Variants in BNIP3 observed in about 807,000 individuals in gnomAD.
BNIP3 encodes the protein BCL2 interacting protein 3, also known as BCL2/adenovirus E1B 19 kDa protein-interacting protein 3.
Under a neutral mutation model 23.9 loss-of-function variants are expected in BNIP3, and 16 were observed. The observed-to-expected ratio is 0.67, with a 90% confidence interval of 0.45 to 1.01. The LOEUF is 1.01. BNIP3 is among the 50% of genes least tolerant of loss of function. BNIP3 has a pLI of 0.00. For missense variants in BNIP3, 198 were observed against 248.7 expected, an observed-to-expected ratio of 0.80 and a Z score of 1.37; for synonymous variants, 81 against 89.3, an observed-to-expected ratio of 0.91 and a Z score of 0.53.
intron 3 of BNIP3, among the ~76,000 whole-genome samples, 160 bp downstream of exon 3, chr10:131,972,874 A>G (rs1293393988): frequency 6.6e-6 from 1 of 152,044 alleles, no homozygotes; most frequent in Non-Finnish European, 1.5e-5. Flanking sequence ...TCCCACCCAC[A>G]GTTTCTTGGT....
At chr10:131,973,425 C>T (rs575936376) in intron 2 of BNIP3, 32 of 466,130 alleles carry the variant, frequency 6.9e-5, no homozygotes, top group African/African-American at 5.0e-4. Context: ...GGCACGCGAC[C>T]TTTGACCACT....
chr10:131,973,572 C>G, intron 2 of BNIP3: 2 of 600,292 alleles, frequency 3.3e-6, no homozygotes, highest in Non-Finnish European at 5.7e-6. Flanking sequence ...CTACTGATGA[C>G]TTGAACATGG....
At chr10:131,974,128 A>G (rs1464280395) in intron 1 of BNIP3, among the ~76,000 whole-genome samples, 185 bp from the exon 2 acceptor site, 3 of 152,200 alleles carry the variant, frequency 2.0e-5, no homozygotes, top group Admixed American at 6.5e-5. Context: ...CTGTCCACGC[A>G]CACACTCCCT....
intron 1 of BNIP3, among the ~76,000 whole-genome samples, chr10:131,979,113 G>T (rs886564296): frequency 6.6e-6 from 1 of 152,220 alleles, no homozygotes; most frequent in African/African-American, 2.4e-5. Flanking sequence ...AGGCATCTGG[G>T]CTCCAGGTAT....
In BNIP3 at chr10:131,978,334, T is replaced by C. The variant is rs45612838; in HGVS notation, c.46+3427A>G. Among the ~76,000 whole-genome samples, 193 of 148,330 alleles carry C rather than the reference T, an allele frequency of 1.3e-3. 2 individuals carry two copies. The highest frequency in any genetic ancestry group is 2.1e-3 in the Admixed American group (31 of 14,786). On this transcript the variant is annotated intron_variant, in intron 1 of 5. Coordinates refer to ENST00000368636, the MANE Select transcript of BNIP3 (RefSeq NM_004052.4). ...TGATAGGTCTGCCTCAGAGACAAAATACAGTCCAACAAGAGTTCTTAATCC... is the reference window on the plus strand; with the variant it reads ...TGATAGGTCTGCCTCAGAGACAAAACACAGTCCAACAAGAGTTCTTAATCC...
At chr10:131,981,610 G>T (rs1452193104) in intron 1 of BNIP3, 151 bp downstream of exon 1, 4 of 995,474 alleles carry the variant, frequency 4.0e-6, no homozygotes, top group East Asian at 6.9e-5. Context: ...CCCGCAGGAG[G>T]GGTGGGTACG....
At chr10:131,975,944 A>G (rs1359075970) in intron 1 of BNIP3, among the ~76,000 whole-genome samples, 1 of 152,042 alleles carries the variant, frequency 6.6e-6, no homozygotes, top group African/African-American at 2.4e-5. Flanking sequence ...TCTGCCCCAC[A>G]CTCTGGCAGA....
rs576380226 is a variant in BNIP3 at position 131,976,062 on chromosome 10, C to T, written c.47-2119G>A. Among the ~76,000 whole-genome samples the T allele has an allele frequency of 3.9e-5, 6 of 152,356 alleles. No homozygotes were observed. The highest frequency in any genetic ancestry group is 1.4e-4 in the African/African-American group (6 of 41,586). On this transcript the variant is annotated intron_variant, in intron 1 of 5. Transcript: ENST00000368636. This position sits in a 1 kb window ranked among gnomAD's most constrained non-coding sequence, Gnocchi z 4.3. The stretch of plus-strand genomic sequence containing the variant: ...TGATGTTCACTAGCCCTCCTTCCCT[C>T]TCTGCGGTTCAAGATGCCATGCGGC...
intron 1 of BNIP3, among the ~76,000 whole-genome samples, chr10:131,977,099 C>T (rs374079848): frequency 6.6e-6 from 1 of 152,072 alleles, no homozygotes; most frequent in East Asian, 1.9e-4. Flanking sequence ...ATGGTGAAAC[C>T]CCGTCTCTAC....
rs141860166 is a variant in BNIP3, at chr10:131,970,287, C to T, written c.539+351G>A. 2 of 272,708 alleles carry T rather than the reference C, an allele frequency of 7.3e-6. No homozygotes were observed. The highest frequency in any genetic ancestry group is 1.4e-5 in the Non-Finnish European group (2 of 144,814). The allele number at this position is 272,708 out of a possible 1,614,324, so 16.9% of individuals were successfully genotyped here. ...CTGAGACCCTCCACCTACAGCAGAG[C>T]TGGGTGCATTCCCGCCACAGTACTA... On this transcript the variant is annotated intron_variant, in intron 5 of 5. Coordinates refer to ENST00000368636, the MANE Select transcript of BNIP3 (RefSeq NM_004052.4). The surrounding 1 kb of genome is among the most constrained non-coding windows in gnomAD (Gnocchi z 4.1).
chr10:131,973,506 C>G, intron 2 of BNIP3: 1 of 501,248 alleles, frequency 2.0e-6, no homozygotes, highest in South Asian at 2.6e-5. Context: ...CGACCACAGC[C>G]CCGCTGAGGC....
chr10:131,968,533 G>A lies in BNIP3; in HGVS notation c.576C>T (p.Ser192=). The A allele has an allele frequency of 1.3e-6, 2 of 1,599,810 alleles. No homozygotes were observed. The highest frequency in any genetic ancestry group is 1.7e-6 in the Non-Finnish European group (2 of 1,167,502). The change falls in exon 6 of 6, where the codon AGC becomes AGT. Residue 192 remains serine, a synonymous_variant. Coordinates refer to ENST00000368636, the MANE Select transcript of BNIP3 (RefSeq NM_004052.4). The part of the protein sequence containing the change: ...YIGRRLTTST[S]TF Reference sequence around the variant, plus strand: ...AGACTCCAGTTCTTCATCAAAAGGTGCTGGTGGAGGTTGTCAGACGCCTTC... The same window carrying A: ...AGACTCCAGTTCTTCATCAAAAGGTACTGGTGGAGGTTGTCAGACGCCTTC...
At chr10:131,971,625 A>C (rs3753008) in intron 3 of BNIP3, 43,058 of 152,260 alleles carry the variant, frequency 0.28, 6,183 homozygotes, top group East Asian at 0.45. Flanking sequence ...GTTTTGTGTA[A>C]AACAGTGAAA....
intron 1 of BNIP3, chr10:131,981,380 G>A (rs565079099): frequency 2.6e-5 from 8 of 305,640 alleles, no homozygotes; most frequent in African/African-American, 4.3e-5. Context: ...ACCAATACTG[G>A]TCTGAACTAC....
intron 1 of BNIP3, chr10:131,980,109 G>T (rs2037108105): frequency 6.6e-6 from 1 of 152,252 alleles, no homozygotes; most frequent in African/African-American, 2.4e-5. Flanking sequence ...AAACAAAACA[G>T]AAAAACAAAA....
chr10:131,973,961 AGG>A lies in BNIP3; in HGVS notation c.47-20_47-19del. 4 of 1,613,254 alleles carry A rather than the reference AGG, an allele frequency of 2.5e-6. No individual in the cohort carries two copies. The highest frequency in any genetic ancestry group is 3.4e-4 in the Middle Eastern group (2 of 5,962). ...CCAGGAGCCTGATGGGGACAAAAAA[AGG>A]GGCGCAGATGGAATTCTCTACCCAC... On this transcript the variant is annotated intron_variant, in intron 1 of 5. Coordinates refer to ENST00000368636, the MANE Select transcript of BNIP3 (RefSeq NM_004052.4).
At chr10:131,973,717 G>T in intron 2 of BNIP3, 76 bp downstream of exon 2, 3 of 1,575,026 alleles carry the variant, frequency 1.9e-6, no homozygotes, top group Admixed American at 1.7e-5. Flanking sequence ...GAGGTGACAC[G>T]GGCACTTCCA....
At chr10:131,971,182 C>T in intron 3 of BNIP3, 1 of 569,268 alleles carries the variant, frequency 1.8e-6, no homozygotes. Context: ...CTCGCCGCCT[C>T]CAGGGACAGA....
rs2133694613 is a variant in BNIP3, at chr10:131,976,333, T to A, written c.47-2390A>T. ...TCACCACCACCGGGGTGTCCAACGA[T>A]TCAATTCCATTCTATCTACCTAGAC... On this transcript the variant is annotated intron_variant, in intron 1 of 5. Transcript: ENST00000368636. The surrounding 1 kb of genome is among the most constrained non-coding windows in gnomAD (Gnocchi z 4.3). Among the ~76,000 whole-genome samples the A allele has an allele frequency of 6.6e-6, 1 of 152,240 alleles. No individual in the cohort carries two copies. Among genetic ancestry groups the A allele is most frequent in the Non-Finnish European group, 1.5e-5 (1 of 68,020 alleles).
Sources: gnomAD v4.1 joint callset for allele counts (sites outside exome capture counted in the v4.1 genomes callset) on GRCh38, gnomAD v4.1.1 for gene constraint, Gnocchi (gnomAD v3.1) non-coding constraint, MANE v1.5 for transcripts, NCBI Gene and HGNC (gene_info 2026-07-23, HGNC 2026-07-21) for gene names.